Variants in FBXO8 observed in about 807,000 individuals in gnomAD.
FBXO8 encodes the protein F-box only protein 8.
In FBXO8, 15 loss-of-function variants were observed where a neutral mutation model predicts 33.4. That is an observed-to-expected ratio of 0.45 (90% CI 0.30 to 0.69). FBXO8 has a LOEUF of 0.69. Ranked by LOEUF, FBXO8 falls within the 30% of genes least tolerant of loss-of-function variation. The pLI, the probability that FBXO8 is intolerant of heterozygous loss-of-function variation, is 0.08. For missense variants in FBXO8, 274 were observed against 380.3 expected, an observed-to-expected ratio of 0.72 and a Z score of 2.32; for synonymous variants, 132 against 131.5, an observed-to-expected ratio of 1.00 and a Z score of -0.02.
chr4:174,248,292 C>G (rs1046106318), intron 3 of FBXO8, among the ~76,000 whole-genome samples: 2 of 151,978 alleles, frequency 1.3e-5, no homozygotes, highest in African/African-American at 4.8e-5. Context: ...ATTCCTAATA[C>G]AGTCACTAGA....
rs147747982 is a variant in FBXO8, at chr4:174,262,377, T to C, written c.329+387A>G. ...TTCATTGATTTCGAAGTCTGCCTAT[T>C]ATTCAGATGGCAGGTATCCTATGGG... On this transcript the variant is annotated intron_variant, in intron 2 of 5. Transcript: ENST00000393674. This position sits in a 1 kb window ranked among gnomAD's most constrained non-coding sequence, Gnocchi z 4.6. Among the ~76,000 whole-genome samples the C allele has an allele frequency of 2.6e-3, 403 of 152,288 alleles. 3 individuals are homozygous for C. The highest frequency in any genetic ancestry group is 9.3e-3 in the African/African-American group (386 of 41,564).
chr4:174,253,652 T>C lies in FBXO8; in HGVS notation c.456+6047A>G, dbSNP rs572332808. 7.2e-5 allele frequency among the ~76,000 whole-genome samples: 11 copies of C among 152,328 alleles called. No individual in the cohort carries two copies. The highest frequency in any genetic ancestry group is 5.9e-4 in the Admixed American group (9 of 15,294). On this transcript the variant is annotated intron_variant, in intron 3 of 5. Transcript: ENST00000393674. The surrounding 1 kb of genome is among the most constrained non-coding windows in gnomAD (Gnocchi z 4.5). ...TCCCTGTTTTTCATTTCTTCTAGCA[T>C]CCTAGCTGCAGTTGTTGAATTATAA...
At chr4:174,239,330 T>C in intron 4 of FBXO8, 140 bp from the exon 5 acceptor site, 1 of 460,120 alleles carries the variant, frequency 2.2e-6, no homozygotes, top group Non-Finnish European at 3.8e-6. Context: ...AAAGTATATA[T>C]AATTCCCAAC....
At chr4:174,248,052 T>C (rs1192963720) in intron 3 of FBXO8, among the ~76,000 whole-genome samples, 1 of 152,102 alleles carries the variant, frequency 6.6e-6, no homozygotes, top group African/African-American at 2.4e-5. Context: ...ACCTTGCTTT[T>C]TGGCTGCGGT....
At chr4:174,279,867 A>T (rs1188668188) in intron 1 of FBXO8, among the ~76,000 whole-genome samples, 1 of 152,132 alleles carries the variant, frequency 6.6e-6, no homozygotes, top group African/African-American at 2.4e-5. Context: ...CAAAGACTTA[A>T]ATCTAAGACA....
In FBXO8 at chr4:174,252,901, G is replaced by A. The variant is rs1019311135; in HGVS notation, c.456+6798C>T. On this transcript the variant is annotated intron_variant, in intron 3 of 5. Coordinates refer to ENST00000393674, the MANE Select transcript of FBXO8 (RefSeq NM_012180.3). The surrounding 1 kb of genome is among the most constrained non-coding windows in gnomAD (Gnocchi z 5.1). The stretch of plus-strand genomic sequence containing the variant: ...CACAAGAATTACCTGAGCCCGGGAG[G>A]TGGTGATTGCAGTGAGCCAAGACTG... Among the ~76,000 whole-genome samples, 7 of 152,060 alleles carry A rather than the reference G, an allele frequency of 4.6e-5. No individual in the cohort carries two copies. Among genetic ancestry groups the A allele is most frequent in the Non-Finnish European group, 8.8e-5 (6 of 67,986 alleles).
rs1293371437 is a variant in FBXO8 at position 174,265,418 on chromosome 4, T to C, written c.-8-2318A>G. Reference sequence around the variant, plus strand: ...TGAATGTTTAAAGCAGTTTTGGTAATTAATTTTCAAATCCTGTAAGCAACT... The same window carrying C: ...TGAATGTTTAAAGCAGTTTTGGTAACTAATTTTCAAATCCTGTAAGCAACT... On this transcript the variant is annotated intron_variant, in intron 1 of 5. Transcript: ENST00000393674. The surrounding 1 kb of genome is among the most constrained non-coding windows in gnomAD (Gnocchi z 4.7). Among the ~76,000 whole-genome samples, 1 of 152,174 alleles carries C rather than the reference T, an allele frequency of 6.6e-6. No homozygotes were observed. The highest frequency in any genetic ancestry group is 1.9e-4 in the East Asian group (1 of 5,198).
chr4:174,242,145 T>C (rs1415192242), intron 3 of FBXO8, among the ~76,000 whole-genome samples: 1 of 151,642 alleles, frequency 6.6e-6, no homozygotes, highest in Non-Finnish European at 1.5e-5. Flanking sequence ...GTCTGGATAC[T>C]AGCACACTAT....
intron 1 of FBXO8, among the ~76,000 whole-genome samples, chr4:174,269,769 G>C (rs1355297922): frequency 6.6e-6 from 1 of 151,652 alleles, no homozygotes; most frequent in Non-Finnish European, 1.5e-5. Flanking sequence ...AATTTCCAGA[G>C]AATGATTAGC....
rs1272896970 is a variant in FBXO8 at position 174,259,368 on chromosome 4, A to G, written c.456+331T>C. On this transcript the variant is annotated intron_variant, in intron 3 of 5. Transcript: ENST00000393674. The surrounding 1 kb of genome is among the most constrained non-coding windows in gnomAD (Gnocchi z 4.3). The stretch of plus-strand genomic sequence containing the variant: ...ACAGAAAAAAACTGCTGCAGATAAA[A>G]TCTGATGAACACACTCTGTGTTCTT... 6.6e-6 allele frequency among the ~76,000 whole-genome samples: 1 copy of G among 152,058 alleles called. No homozygotes were observed. The highest frequency in any genetic ancestry group is 1.5e-5 in the Non-Finnish European group (1 of 67,942).
At position 174,257,165 on chromosome 4, in the gene FBXO8, C is replaced by T. The variant is rs1482912140; in HGVS notation, c.456+2534G>A. ...GAACTGTATAGTTTGATATTGGTAG[C>T]TGCAAGGATGAAAACCTATTTATAT... On this transcript the variant is annotated intron_variant, in intron 3 of 5. Transcript: ENST00000393674. The surrounding 1 kb of genome is among the most constrained non-coding windows in gnomAD (Gnocchi z 4.3). Among the ~76,000 whole-genome samples the T allele has an allele frequency of 6.6e-6, 1 of 152,080 alleles. No homozygotes were observed. Among genetic ancestry groups the T allele is most frequent in the Non-Finnish European group, 1.5e-5 (1 of 68,002 alleles).
Position 174,245,764 on chromosome 4 carries a change from G to GT in FBXO8, c.457-4547dup, listed in dbSNP as rs149527459. The stretch of plus-strand genomic sequence containing the variant: ...TAAATAGATAGCGGGCTATACAACT[G>GT]TATATGTTACATATATGTTACATAT... On this transcript the variant is annotated intron_variant, in intron 3 of 5. Transcript: ENST00000393674. This position sits in a 1 kb window ranked among gnomAD's most constrained non-coding sequence, Gnocchi z 4.6. 3.3e-3 allele frequency among the ~76,000 whole-genome samples: 506 copies of GT among 151,990 alleles called. 21 individuals are homozygous for GT. The East Asian group carries it at 0.081, about 24-fold the overall frequency.
chr4:174,263,165 T>C lies in FBXO8; in HGVS notation c.-8-65A>G. ...AAGTAACCCATTTTTCCCAGTGGTA[T>C]AACAAATCTGACATGAAGCATTCAT... On this transcript the variant is annotated intron_variant, in intron 1 of 5. Transcript: ENST00000393674. This position sits in a 1 kb window ranked among gnomAD's most constrained non-coding sequence, Gnocchi z 4.2. 7.2e-7 allele frequency: 1 copy of C among 1,392,198 alleles called. No individual in the cohort carries two copies. The highest frequency in any genetic ancestry group is 9.8e-7 in the Non-Finnish European group (1 of 1,017,282). The allele number at this position is 1,392,198 out of a possible 1,614,324, so 86.2% of individuals were successfully genotyped here. A position where few individuals can be genotyped will look rare whatever the true frequency, so the allele number is the denominator to read the frequency against.
intron 3 of FBXO8, among the ~76,000 whole-genome samples, chr4:174,248,463 A>C (rs572438416): frequency 6.6e-6 from 1 of 152,134 alleles, no homozygotes; most frequent in East Asian, 1.9e-4. Flanking sequence ...GGGCAGTGAA[A>C]ATTGGGAAAG....
intron 3 of FBXO8, among the ~76,000 whole-genome samples, chr4:174,249,897 T>C (rs1736247693): frequency 6.6e-6 from 1 of 151,958 alleles, no homozygotes; most frequent in African/African-American, 2.4e-5. Flanking sequence ...TAGGAGATAT[T>C]GATGTGACCA....
chr4:174,255,413 C>G lies in FBXO8; in HGVS notation c.456+4286G>C, dbSNP rs1736392314. On this transcript the variant is annotated intron_variant, in intron 3 of 5. Coordinates refer to ENST00000393674, the MANE Select transcript of FBXO8 (RefSeq NM_012180.3). The surrounding 1 kb of genome is among the most constrained non-coding windows in gnomAD (Gnocchi z 4.3). ...TTTCCTGTTTATACTTTAGCTGGTC[C>G]AATAACAAAAATAACATGTTATCTT... Among the ~76,000 whole-genome samples the G allele has an allele frequency of 6.6e-6, 1 of 151,896 alleles. No individual in the cohort carries two copies. Among genetic ancestry groups the G allele is most frequent in the Non-Finnish European group, 1.5e-5 (1 of 67,942 alleles).
At position 174,262,832 on chromosome 4, in the gene FBXO8, A is replaced by G. The variant is rs1315016083; in HGVS notation, c.261T>C (p.Asn87=). 1 of 1,613,976 alleles carries G rather than the reference A, an allele frequency of 6.2e-7. No homozygotes were observed. The highest frequency in any genetic ancestry group is 8.5e-7 in the Non-Finnish European group (1 of 1,179,958). Residue 87 remains asparagine, a synonymous_variant, in exon 2 of 6, where the codon AAT becomes AAC. Transcript: ENST00000393674. This position sits in a 1 kb window ranked among gnomAD's most constrained non-coding sequence, Gnocchi z 4.6. ...ELSFTILSYL[N]ATDLCLASCV... is the part of the protein sequence containing the mutation. ...ATGAAGCCAAGCAAAGGTCAGTTGC[A>G]TTCAGGTAGGACAAGATGGTAAAGC...
chr4:174,239,014 C>A lies in FBXO8; in HGVS notation c.752G>T (p.Arg251Leu). ...RFCACNPDLM[R>L]ELGLSPDAVY... The stretch of plus-strand genomic sequence containing the variant: ...CTTACCAGGACTAAGGCCAAGTTCT[C>A]GCATTAAATCAGGGTTGCAAGCACA... The change falls in exon 5 of 6, where the codon CGA becomes CTA. Residue 251 changes from arginine (R) to leucine (L), a missense_variant. By Grantham distance (102) the Arg-to-Leu change is moderately radical. Coordinates refer to ENST00000393674, the MANE Select transcript of FBXO8 (RefSeq NM_012180.3). The A allele has an allele frequency of 6.4e-7, 1 of 1,563,382 alleles. No individual in the cohort carries two copies. The highest frequency in any genetic ancestry group is 1.2e-5 in the South Asian group (1 of 82,566).
rs532973435 is a variant in FBXO8 at position 174,250,712 on chromosome 4, T to G, written c.456+8987A>C. Reference sequence around the variant, plus strand: ...ACTCCCATATTTGAAAAGCTGAAAGTAAGTTGATGGATGTCTTACAATTGA... The same window carrying G: ...ACTCCCATATTTGAAAAGCTGAAAGGAAGTTGATGGATGTCTTACAATTGA... On this transcript the variant is annotated intron_variant, in intron 3 of 5. Transcript: ENST00000393674. Among the ~76,000 whole-genome samples the G allele has an allele frequency of 6.6e-5, 10 of 152,234 alleles. No individual in the cohort carries two copies. In the South Asian group the frequency reaches 2.1e-3, roughly 32 times the overall value.
Sources: gnomAD v4.1 joint callset for allele counts (sites outside exome capture counted in the v4.1 genomes callset) on GRCh38, gnomAD v4.1.1 for gene constraint, Gnocchi (gnomAD v3.1) non-coding constraint, MANE v1.5 for transcripts, NCBI Gene and HGNC (gene_info 2026-07-23, HGNC 2026-07-21) for gene names.